The following CADM1 variants were observed in gnomAD, a reference collection of about 807,000 sequenced individuals.
CADM1 encodes the protein TSLC-1.
CADM1 carries 15 observed loss-of-function variants against 53.1 expected under a neutral mutation model. That is an observed-to-expected ratio of 0.28 (90% confidence interval 0.19 to 0.44). The LOEUF is 0.44. CADM1 is among the 20% of genes least tolerant of loss of function. The pLI is 1.00. For synonymous variants in CADM1, 281 were observed against 243.0 expected, an observed-to-expected ratio of 1.16 and a Z score of -1.45; for missense variants, 434 against 611.3, an observed-to-expected ratio of 0.71 and a Z score of 3.06.
intron 1 of CADM1, among the ~76,000 whole-genome samples, chr11:115,310,330 G>C (rs1340746774): frequency 1.3e-5 from 2 of 151,974 alleles, no homozygotes; most frequent in African/African-American, 4.8e-5. Context: ...CTTAAACAGA[G>C]TGAAAAAAAT....
At chr11:115,304,752 A>G (rs1402995271) in intron 1 of CADM1, among the ~76,000 whole-genome samples, 1 of 152,044 alleles carries the variant, frequency 6.6e-6, no homozygotes, top group Non-Finnish European at 1.5e-5. Context: ...TTAATAACAT[A>G]ACAAATGTTA....
chr11:115,198,651 G>A (rs918905541), intron 8 of CADM1, among the ~76,000 whole-genome samples: 6 of 152,222 alleles, frequency 3.9e-5, no homozygotes, highest in African/African-American at 9.7e-5. Flanking sequence ...GCGAGCCAGT[G>A]AGGAAAACAG....
chr11:115,266,338 G>T (rs909662891), intron 1 of CADM1, among the ~76,000 whole-genome samples: 4 of 152,204 alleles, frequency 2.6e-5, no homozygotes, highest in Non-Finnish European at 5.9e-5. Flanking sequence ...ATGCTCAATT[G>T]TTCTAGAATA....
chr11:115,292,896 A>C (rs978383107), intron 1 of CADM1, among the ~76,000 whole-genome samples: 3 of 152,240 alleles, frequency 2.0e-5, no homozygotes, highest in African/African-American at 7.2e-5. Flanking sequence ...ATTCTAATTT[A>C]GGAGACAAGG....
intron 1 of CADM1, among the ~76,000 whole-genome samples, chr11:115,279,636 A>G (rs1287622493): frequency 1.3e-5 from 2 of 152,096 alleles, no homozygotes; most frequent in African/African-American, 4.8e-5. Flanking sequence ...AACTGTTACA[A>G]CTCTTCAGAT....
Position 115,174,186 on chromosome 11 carries a change from A to T in CADM1, c.*2288T>A. On this transcript the variant is annotated 3_prime_UTR_variant, in exon 12 of 12. Coordinates refer to ENST00000331581, the MANE Select transcript of CADM1 (RefSeq NM_001301043.2). ...TAAGCCATAAAGTTACATCAGGAAC[A>T]CTGCACTACTGTACACTTTTCAAAA... is the stretch of plus-strand genomic sequence containing the variant. The T allele has an allele frequency of 1.0e-6, 1 of 985,448 alleles. No homozygotes were observed. Among genetic ancestry groups the T allele is most frequent in the Non-Finnish European group, 1.2e-6 (1 of 829,908 alleles). 61.0% of individuals were successfully genotyped at this position (985,448 alleles called of 1,614,324 possible).
intron 1 of CADM1, among the ~76,000 whole-genome samples, chr11:115,461,940 G>A (rs1381948182): frequency 1.3e-5 from 2 of 151,960 alleles, no homozygotes; most frequent in African/African-American, 2.4e-5. Flanking sequence ...GTTGTGAGAG[G>A]GAATAAGATC....
intron 1 of CADM1, among the ~76,000 whole-genome samples, chr11:115,326,003 A>C (rs2135200031): frequency 6.6e-6 from 1 of 152,316 alleles, no homozygotes; most frequent in Non-Finnish European, 1.5e-5. Context: ...GGTTACATTT[A>C]AAATAAAACT....
At chr11:115,447,773 G>A (rs1362930914) in intron 1 of CADM1, among the ~76,000 whole-genome samples, 1 of 152,134 alleles carries the variant, frequency 6.6e-6, no homozygotes, top group East Asian at 1.9e-4. Context: ...TCTCATGAAT[G>A]GTTTTCCCCA....
chr11:115,319,829 C>A (rs17118264), intron 1 of CADM1, among the ~76,000 whole-genome samples: 22,990 of 152,052 alleles, frequency 0.15, 2,123 homozygotes, highest in East Asian at 0.36. Flanking sequence ...ATTAGATAAA[C>A]CATGTAGATG....
chr11:115,213,361 A>C (rs898511169), intron 7 of CADM1, among the ~76,000 whole-genome samples: 12 of 152,222 alleles, frequency 7.9e-5, no homozygotes, highest in African/African-American at 2.9e-4. Flanking sequence ...GGGAGAATTA[A>C]TGTTATTATG....
At chr11:115,230,068 C>T (rs1241508132) in intron 4 of CADM1, among the ~76,000 whole-genome samples, 1 of 152,130 alleles carries the variant, frequency 6.6e-6, no homozygotes, top group South Asian at 2.1e-4. Context: ...TTGTACTTAT[C>T]GGTACACATT....
chr11:115,493,956 C>T (rs1175637498), intron 1 of CADM1, among the ~76,000 whole-genome samples: 6 of 152,064 alleles, frequency 3.9e-5, no homozygotes, highest in Admixed American at 1.3e-4. Flanking sequence ...GCAGAGAGAA[C>T]AAAGTAACTG....
chr11:115,497,732 T>C (rs903946244), intron 1 of CADM1, among the ~76,000 whole-genome samples: 6 of 152,198 alleles, frequency 3.9e-5, no homozygotes, highest in Non-Finnish European at 8.8e-5. Flanking sequence ...AAACTAAGGC[T>C]TTTTATTCGA....
intron 1 of CADM1, among the ~76,000 whole-genome samples, chr11:115,408,205 A>G (rs1397807727): frequency 6.6e-6 from 1 of 152,190 alleles, no homozygotes. Flanking sequence ...TTTACATGTG[A>G]ACACTGGAAA....
chr11:115,392,420 A>G (rs1282501687), intron 1 of CADM1, among the ~76,000 whole-genome samples: 2 of 152,054 alleles, frequency 1.3e-5, no homozygotes, highest in Non-Finnish European at 2.9e-5. Context: ...ATAATAGGAC[A>G]TATAAAGGCT....
At chr11:115,444,677 A>G (rs1171668875) in intron 1 of CADM1, among the ~76,000 whole-genome samples, 1 of 152,228 alleles carries the variant, frequency 6.6e-6, no homozygotes, top group Non-Finnish European at 1.5e-5. Flanking sequence ...TGGGAAGTCA[A>G]TAATGTAATC....
intron 1 of CADM1, among the ~76,000 whole-genome samples, chr11:115,411,836 G>C (rs1947467734): frequency 6.6e-6 from 1 of 152,116 alleles, no homozygotes; most frequent in East Asian, 1.9e-4. Context: ...ACCAGAGTTT[G>C]ATAAAAACAA....
chr11:115,244,524 ACTC>A (rs1224090622), intron 1 of CADM1, among the ~76,000 whole-genome samples: 1 of 151,948 alleles, frequency 6.6e-6, no homozygotes, highest in Non-Finnish European at 1.5e-5. Flanking sequence ...TCTCTCTCAA[ACTC>A]CTGGAGTTTT....
Sources: allele counts gnomAD v4.1 joint callset (sites outside exome capture counted in the v4.1 genomes callset), GRCh38; gene constraint gnomAD v4.1.1; transcripts MANE v1.5; gene names NCBI Gene and HGNC (gene_info 2026-07-23, HGNC 2026-07-21).